LRCH1: variants seen among roughly 807,000 people sequenced by gnomAD.
LRCH1 encodes the protein leucine rich repeats and calponin homology domain containing 1.
A neutral mutation model predicts 94.9 loss-of-function variants in LRCH1; 23 were observed. The ratio of observed to expected loss-of-function variants is 0.24; its 90% CI spans 0.17 to 0.34. LRCH1 has a LOEUF of 0.34. Among genes scored for constraint, LRCH1 ranks in the 10% least tolerant of loss-of-function variants. The pLI is 1.00. For missense variants in LRCH1, 790 were observed against 945.9 expected (o/e 0.84, Z 2.16); for synonymous variants, 364 against 354.9 (o/e 1.03, Z -0.29).
chr13:46,724,162 G>C (rs1872708677), intron 17 of LRCH1, among the ~76,000 whole-genome samples: 1 of 151,830 alleles, frequency 6.6e-6, no homozygotes, highest in Admixed American at 6.6e-5. Context: ...CTAATTTTTT[G>C]TATTTTTACT....
At chr13:46,608,904 A>G (rs1482020534) in intron 1 of LRCH1, among the ~76,000 whole-genome samples, 3 of 152,180 alleles carry the variant, frequency 2.0e-5, no homozygotes, top group Non-Finnish European at 2.9e-5. Flanking sequence ...AAGAAAATTG[A>G]CAGAACAAAA....
intron 1 of LRCH1, among the ~76,000 whole-genome samples, chr13:46,616,551 A>G (rs953915010): frequency 6.6e-6 from 1 of 152,208 alleles, no homozygotes; most frequent in Non-Finnish European, 1.5e-5. Context: ...TTACTTCCAA[A>G]TTCTTCCCAG....
At chr13:46,577,684 T>C (rs1238104208) in intron 1 of LRCH1, among the ~76,000 whole-genome samples, 1 of 152,238 alleles carries the variant, frequency 6.6e-6, no homozygotes, top group Non-Finnish European at 1.5e-5. Flanking sequence ...GAGTTCCTTA[T>C]TGAAGAATGC....
intron 1 of LRCH1, among the ~76,000 whole-genome samples, chr13:46,578,583 C>T (rs773968090): frequency 5.9e-5 from 9 of 152,148 alleles, no homozygotes; most frequent in Non-Finnish European, 8.8e-5. Context: ...ATGTTCTTCT[C>T]CTTAAGAATA....
In LRCH1 at chr13:46,596,944, T is replaced by G. The variant is rs540296919; in HGVS notation, c.307+43241T>G. Among the ~76,000 whole-genome samples the G allele has an allele frequency of 1.6e-3, 251 of 152,324 alleles. 1 individual carries two copies. Among genetic ancestry groups the G allele is most frequent in the Admixed American group, 4.6e-3 (70 of 15,300 alleles). On this transcript the variant is annotated intron_variant, in intron 1 of 19. Transcript: ENST00000389797. Reference sequence around the variant, plus strand: ...AATTTTCAAGTGACCTTTTAAAAGTTTCCCCCAGAAAGGTTTGAATAGACT... The same window carrying G: ...AATTTTCAAGTGACCTTTTAAAAGTGTCCCCCAGAAAGGTTTGAATAGACT...
In LRCH1 at chr13:46,625,069, C is replaced by T. The variant is rs79695269; in HGVS notation, c.308-25132C>T. Among the ~76,000 whole-genome samples the T allele has an allele frequency of 2.0e-4, 31 of 152,358 alleles. No homozygotes were observed. The East Asian group carries it at 5.6e-3, about 28-fold the overall frequency. On this transcript the variant is annotated intron_variant, in intron 1 of 19. Coordinates refer to ENST00000389797, the MANE Select transcript of LRCH1 (RefSeq NM_001164211.2). ...CTAGGCTGAGTGTTAACCATACCTACCTATGTACATTTGCAGCTGTGCCAT... is the reference window on the plus strand; with the variant it reads ...CTAGGCTGAGTGTTAACCATACCTATCTATGTACATTTGCAGCTGTGCCAT...
intron 1 of LRCH1, among the ~76,000 whole-genome samples, chr13:46,596,345 C>G (rs1027871823): frequency 6.6e-6 from 1 of 152,128 alleles, no homozygotes; most frequent in Non-Finnish European, 1.5e-5. Context: ...TTGGTACAGT[C>G]TGATCATGAC....
chr13:46,749,269 G>A (rs889202834), downstream of LRCH1, among the ~76,000 whole-genome samples: 1 of 152,210 alleles, frequency 6.6e-6, no homozygotes, highest in Non-Finnish European at 1.5e-5. Flanking sequence ...ATTATGCTAA[G>A]TAAAATAAGC....
At chr13:46,617,397 G>A (rs901243715) in intron 1 of LRCH1, among the ~76,000 whole-genome samples, 1 of 152,184 alleles carries the variant, frequency 6.6e-6, no homozygotes, top group East Asian at 1.9e-4. Flanking sequence ...TGTAAAATAA[G>A]GATGTCGGCA....
At chr13:46,751,430 T>C (rs1228138050) in exon 19 of LRCH1, 1 of 152,136 alleles carries the variant, frequency 6.6e-6, no homozygotes, top group Non-Finnish European at 1.5e-5. Flanking sequence ...TCCATCCAGT[T>C]TCCTACATTC....
At chr13:46,706,608 A>C (rs562664028) in intron 13 of LRCH1, among the ~76,000 whole-genome samples, 1 of 152,158 alleles carries the variant, frequency 6.6e-6, no homozygotes, top group East Asian at 1.9e-4. Flanking sequence ...ATTTTTTGAG[A>C]GATGAGATCT....
intron 9 of LRCH1, among the ~76,000 whole-genome samples, chr13:46,698,106 C>T (rs1210604273): frequency 1.3e-5 from 2 of 152,162 alleles, no homozygotes; most frequent in African/African-American, 2.4e-5. Flanking sequence ...AGTATAATCA[C>T]TACAGAAAAA....
At chr13:46,580,247 A>C (rs1315821268) in intron 1 of LRCH1, among the ~76,000 whole-genome samples, 1 of 152,232 alleles carries the variant, frequency 6.6e-6, no homozygotes, top group Non-Finnish European at 1.5e-5. Context: ...ATCTCTTGTC[A>C]TCAAATTATA....
chr13:46,670,344 A>T (rs5013916), intron 3 of LRCH1, among the ~76,000 whole-genome samples: 1 of 152,146 alleles, frequency 6.6e-6, no homozygotes, highest in Non-Finnish European at 1.5e-5. Context: ...AGTGACTAGG[A>T]CAAGACACTG....
intron 2 of LRCH1, among the ~76,000 whole-genome samples, chr13:46,664,696 G>A (rs1305700402): frequency 2.0e-5 from 3 of 152,156 alleles, no homozygotes; most frequent in Non-Finnish European, 4.4e-5. Context: ...TCACCTCCTC[G>A]CTGCTTTGTT....
chr13:46,739,073 A>T (rs1366831127), intron 19 of LRCH1, among the ~76,000 whole-genome samples: 1 of 152,248 alleles, frequency 6.6e-6, no homozygotes, highest in East Asian at 1.9e-4. Context: ...TTAAGATTAT[A>T]TTTAAGTAAA....
At chr13:46,726,861 T>C (rs1260136943) in intron 17 of LRCH1, among the ~76,000 whole-genome samples, 1 of 14,834 alleles carries the variant, frequency 6.7e-5, no homozygotes, top group African/African-American at 1.3e-4. Flanking sequence ...TAGAGCAGTG[T>C]CAAAAAAAAA....
intron 17 of LRCH1, among the ~76,000 whole-genome samples, chr13:46,727,348 A>G (rs969650382): frequency 1.3e-5 from 2 of 152,252 alleles, no homozygotes; most frequent in Admixed American, 6.5e-5. Flanking sequence ...AACAGAGAGA[A>G]AACAGATTGA....
intron 7 of LRCH1, among the ~76,000 whole-genome samples, chr13:46,690,224 A>T (rs1260798912): frequency 6.6e-6 from 1 of 152,200 alleles, no homozygotes; most frequent in Non-Finnish European, 1.5e-5. Context: ...GAGCATTTTG[A>T]AAAGAAGAAG....
Sources: gnomAD v4.1 joint callset for allele counts (sites outside exome capture counted in the v4.1 genomes callset) on GRCh38, gnomAD v4.1.1 for gene constraint, MANE v1.5 for transcripts, NCBI Gene and HGNC (gene_info 2026-07-23, HGNC 2026-07-21) for gene names.